The following NSUN4 variants were observed in gnomAD, a reference collection of about 807,000 sequenced individuals.
NSUN4 encodes 5-cytosine rRNA methyltransferase NSUN4.
NSUN4 carries 31 observed loss-of-function variants against 43.8 expected under a neutral mutation model. The ratio of observed to expected loss-of-function variants is 0.71; its 90% CI spans 0.53 to 0.96. The LOEUF is 0.96. Ranked by LOEUF, NSUN4 falls within the 40% of genes least tolerant of loss-of-function variation. The pLI is 0.00. For synonymous variants in NSUN4, 167 were observed against 184.1 expected (o/e 0.91, Z 0.75); for missense variants, 439 against 475.6 (o/e 0.92, Z 0.72).
chr1:46,374,307 A>T, the NSUN4 span, among the ~76,000 whole-genome samples: 1 of 150,358 alleles, frequency 6.7e-6, no homozygotes, highest in South Asian at 2.1e-4. Flanking sequence ...AAAAAAAAAA[A>T]AAAAAATAGA....
chr1:46,380,237 C>T, the NSUN4 span, among the ~76,000 whole-genome samples: 1 of 152,150 alleles, frequency 6.6e-6, no homozygotes. Context: ...CACTCAACAG[C>T]TGAAGACACA....
intron 2 of NSUN4, among the ~76,000 whole-genome samples, chr1:46,346,573 A>T (rs955687015): frequency 6.6e-6 from 1 of 151,058 alleles, no homozygotes; most frequent in Admixed American, 6.6e-5. Flanking sequence ...AAAAAAAAAA[A>T]ATTAGCCAGG....
chr1:46,341,049 C>T, intron 1 of NSUN4, 130 bp downstream of exon 1: 1 of 1,111,826 alleles, frequency 9.0e-7, no homozygotes. Context: ...AGGCACCTCC[C>T]TCTCTCGTCT....
chr1:46,381,851 G>C, the NSUN4 span, among the ~76,000 whole-genome samples: 2 of 152,162 alleles, frequency 1.3e-5, no homozygotes, highest in Admixed American at 1.3e-4. Flanking sequence ...ATCAGCACCT[G>C]TCAGCTCCCT....
At chr1:46,372,570 A>G in the NSUN4 span, among the ~76,000 whole-genome samples, 1 of 152,240 alleles carries the variant, frequency 6.6e-6, no homozygotes, top group Non-Finnish European at 1.5e-5. Flanking sequence ...AGTTAAAAGT[A>G]GTCATGCAGC....
At chr1:46,384,997 A>C in the NSUN4 span, among the ~76,000 whole-genome samples, 1 of 152,210 alleles carries the variant, frequency 6.6e-6, no homozygotes, top group Non-Finnish European at 1.5e-5. Flanking sequence ...TCAGCAGTGG[A>C]CTTCATAGTC....
intron 5 of NSUN4, 27 bp from the exon 6 acceptor site, chr1:46,361,543 A>G (rs1663871305): frequency 6.2e-7 from 1 of 1,606,868 alleles, no homozygotes; most frequent in Non-Finnish European, 8.5e-7. Flanking sequence ...CTCACTAGTA[A>G]CTGCTTCTGT....
chr1:46,341,311 T>C, intron 1 of NSUN4: 1 of 990,218 alleles, frequency 1.0e-6, no homozygotes, highest in Non-Finnish European at 1.2e-6. Flanking sequence ...CCTTTCCTCA[T>C]TGATTTTCCA....
the NSUN4 span, among the ~76,000 whole-genome samples, chr1:46,380,229 C>G: frequency 6.6e-6 from 1 of 152,184 alleles, no homozygotes; most frequent in Non-Finnish European, 1.5e-5. Flanking sequence ...TGTCTTCCCA[C>G]TCAACAGCTG....
the NSUN4 span, among the ~76,000 whole-genome samples, chr1:46,381,351 T>C: frequency 1.3e-5 from 2 of 152,160 alleles, no homozygotes; most frequent in African/African-American, 4.8e-5. Context: ...TCAGAAGGGT[T>C]TCTGGATCCT....
chr1:46,375,366 C>T, the NSUN4 span, among the ~76,000 whole-genome samples: 276 of 148,576 alleles, frequency 1.9e-3, no homozygotes, highest in African/African-American at 6.4e-3. Flanking sequence ...ACTCAGGAGG[C>T]GGAGGTTGCA....
rs1411290569 is a variant in NSUN4 at position 46,340,881 on chromosome 1, G to A, written c.55G>A (p.Ala19Thr). The A allele has an allele frequency of 1.2e-6, 2 of 1,613,674 alleles. No individual in the cohort carries two copies. The highest frequency in any genetic ancestry group is 1.7e-6 in the Non-Finnish European group (2 of 1,179,794). ...VRELLKRVDL[A>T]TVPRRHRYKK... ...GGAGCTGCTGAAGCGTGTGGACCTC[G>A]CGACGGTCCCGCGGAGACATCGATA... The change falls in exon 1 of 6, where the codon GCG (alanine) becomes ACG (threonine). Residue 19 changes from alanine to threonine, a missense_variant. Coordinates refer to ENST00000474844, the MANE Select transcript of NSUN4 (RefSeq NM_199044.4).
chr1:46,351,659 C>T (rs1044478323), intron 3 of NSUN4, among the ~76,000 whole-genome samples: 5 of 88,874 alleles, frequency 5.6e-5, no homozygotes, highest in African/African-American at 2.3e-4. Flanking sequence ...GACCCAGTCT[C>T]TTTTTTTTTT....
intron 1 of NSUN4, chr1:46,343,500 A>G (rs1003090207): frequency 2.5e-6 from 1 of 399,476 alleles, no homozygotes. Flanking sequence ...CTGTAGTTCG[A>G]CTATTATTAG....
At chr1:46,360,249 A>AAAAAAAAATATATATATATATAT in intron 4 of NSUN4, among the ~76,000 whole-genome samples, 1 of 25,738 alleles carries the variant, frequency 3.9e-5, no homozygotes, top group Non-Finnish European at 7.2e-5. Flanking sequence ...AAAAAAAAAA[A>AAAAAAAAATATATATATATATAT]ATATATATAT....
intron 3 of NSUN4, among the ~76,000 whole-genome samples, chr1:46,349,282 G>A (rs1485025861): frequency 6.6e-6 from 1 of 151,876 alleles, no homozygotes; most frequent in African/African-American, 2.4e-5. Flanking sequence ...TGGGACCACG[G>A]GCACCCGCCA....
intron 1 of NSUN4, chr1:46,341,520 C>T: frequency 3.7e-6 from 4 of 1,079,120 alleles, no homozygotes; most frequent in Non-Finnish European, 4.5e-6. Context: ...CTCTCATCCT[C>T]TGGACTCTCC....
At chr1:46,376,532 T>G in the NSUN4 span, among the ~76,000 whole-genome samples, 1 of 149,930 alleles carries the variant, frequency 6.7e-6, no homozygotes, top group Non-Finnish European at 1.5e-5. Flanking sequence ...AAGATAAAAT[T>G]TAATAGCACA....
intron 3 of NSUN4, among the ~76,000 whole-genome samples, chr1:46,347,946 C>T (rs550689895): frequency 2.6e-5 from 4 of 151,074 alleles, no homozygotes; most frequent in South Asian, 4.2e-4. Context: ...GGCACGACCT[C>T]GGCTCACTGC....
Sources: allele counts gnomAD v4.1 joint callset (sites outside exome capture counted in the v4.1 genomes callset), GRCh38; gene constraint gnomAD v4.1.1; transcripts MANE v1.5; gene names NCBI Gene and HGNC (gene_info 2026-07-23, HGNC 2026-07-21).